Variants in RBFOX1 observed in about 807,000 individuals in gnomAD.
RBFOX1 encodes RNA binding protein fox-1 homolog 1.
In RBFOX1, 8 loss-of-function variants were observed where a neutral mutation model predicts 57.7. The observed-to-expected ratio is 0.14, with a 90% CI of 0.08 to 0.25. The LOEUF is 0.25. Ranked by LOEUF, RBFOX1 falls within the 10% of genes least tolerant of loss-of-function variation. RBFOX1 has a pLI of 1.00. For synonymous variants in RBFOX1, 326 were observed against 222.4 expected, an observed-to-expected ratio of 1.47 and a Z score of -4.15; for missense variants, 611 against 548.5, an observed-to-expected ratio of 1.11 and a Z score of -1.14.
At position 5,686,644 on chromosome 16, in the gene RBFOX1, C is replaced by A. The variant is rs528286298; in HGVS notation, c.318+87683C>A. 8.5e-5 allele frequency among the ~76,000 whole-genome samples: 13 copies of A among 152,134 alleles called. No homozygotes were observed. In the East Asian group the frequency reaches 2.1e-3, roughly 25 times the overall value. On this transcript the variant is annotated intron_variant, in intron 3 of 19. Transcript: ENST00000641259. ...AGAGGCCATATGAATTGATTTCTCT[C>A]TATATATTGATTTGACCCTCAGTAC...
rs193201594 is a variant in RBFOX1 at position 6,265,986 on chromosome 16, G to T, written c.-126-51009G>T. 1.5e-3 allele frequency among the ~76,000 whole-genome samples: 222 copies of T among 152,204 alleles called. 1 individual carries two copies. Among genetic ancestry groups the T allele is most frequent in the Non-Finnish European group, 2.6e-3 (178 of 68,010 alleles). ...TTTATTATTCCTTACTAAACATTCTGGCTTCTCTTTTTGTGGTATTTCTTA... is the reference window on the plus strand; with the variant it reads ...TTTATTATTCCTTACTAAACATTCTTGCTTCTCTTTTTGTGGTATTTCTTA... On this transcript the variant is annotated intron_variant, in intron 1 of 15. Transcript: ENST00000550418.
At chr16:5,825,549 A>AT in intron 3 of RBFOX1, among the ~76,000 whole-genome samples, 1 of 152,302 alleles carries the variant, frequency 6.6e-6, no homozygotes, top group East Asian at 1.9e-4. Context: ...TTCTCAGTGC[A>AT]TTTTTTATGG....
At position 6,549,525 on chromosome 16, in the gene RBFOX1, GGGA is replaced by G. The variant is rs1196682002; in HGVS notation, c.-63-105066_-63-105064del. ...GGAGGGGAAGAGGAGGAGGAGAGGA[GGGA>G]GGAGGAGGAGGGGAGGAGGAGGATG... is the stretch of plus-strand genomic sequence containing the variant. On this transcript the variant is annotated intron_variant, in intron 2 of 15. Coordinates refer to ENST00000550418, the MANE Select transcript of RBFOX1 (RefSeq NM_018723.4). Among the ~76,000 whole-genome samples, 655 of 112,916 alleles carry G rather than the reference GGGA, an allele frequency of 5.8e-3. 12 individuals carry two copies. Among genetic ancestry groups the G allele is most frequent in the African/African-American group, 0.021 (605 of 29,022 alleles). 74.1% of individuals were successfully genotyped at this position (112,916 alleles called of 152,430 possible). A position where few individuals can be genotyped will look rare whatever the true frequency, so the allele number is the denominator to read the frequency against.
At chr16:7,694,522 G>A (rs547751874) in intron 14 of RBFOX1, among the ~76,000 whole-genome samples, 35 of 152,318 alleles carry the variant, frequency 2.3e-4, no homozygotes, top group African/African-American at 7.5e-4. Flanking sequence ...AGTTCAAGAG[G>A]TATGCATGAT....
chr16:5,616,876 C>T (rs974301131), intron 3 of RBFOX1, among the ~76,000 whole-genome samples: 1 of 150,344 alleles, frequency 6.7e-6, no homozygotes, highest in African/African-American at 2.5e-5. Flanking sequence ...CCCACCCCTC[C>T]CCTTCCTCCT....
chr16:5,817,966 G>A (rs901147043), intron 3 of RBFOX1, among the ~76,000 whole-genome samples: 2 of 151,782 alleles, frequency 1.3e-5, no homozygotes, highest in South Asian at 2.1e-4. Flanking sequence ...CTGGGATTAC[G>A]GGCGTGAGCC....
chr16:5,776,971 T>A (rs1315921417), intron 3 of RBFOX1, among the ~76,000 whole-genome samples: 1 of 152,208 alleles, frequency 6.6e-6, no homozygotes, highest in Non-Finnish European at 1.5e-5. Flanking sequence ...TTTAAATTTA[T>A]CTTAATTTAA....
chr16:7,292,277 A>G lies in RBFOX1; in HGVS notation c.28-225870A>G, dbSNP rs1258483335. Among the ~76,000 whole-genome samples, 8 of 130,010 alleles carry G rather than the reference A, an allele frequency of 6.2e-5. No individual in the cohort carries two copies. In the South Asian group the frequency reaches 1.9e-3, roughly 30 times the overall value. 85.3% of individuals were successfully genotyped at this position (130,010 alleles called of 152,430 possible). On this transcript the variant is annotated intron_variant, in intron 4 of 15. Transcript: ENST00000550418. ...TGATATATGATATAGAACGTATTAT[A>G]TATCATATATCATATATGATATATG...
chr16:7,087,281 A>T (rs577476384), intron 4 of RBFOX1, among the ~76,000 whole-genome samples: 1 of 152,290 alleles, frequency 6.6e-6, no homozygotes, highest in South Asian at 2.1e-4. Context: ...GGCTTGCCTC[A>T]AGAGGATCGG....
At chr16:5,958,676 C>T (rs558153812) in intron 4 of RBFOX1, among the ~76,000 whole-genome samples, 18 of 152,244 alleles carry the variant, frequency 1.2e-4, no homozygotes, top group Non-Finnish European at 2.2e-4. Flanking sequence ...CAGATCTGGA[C>T]GTCAAAAGTC....
chr16:6,825,453 TAAC>T lies in RBFOX1; in HGVS notation c.-16+170804_-16+170806del, dbSNP rs565565621. Among the ~76,000 whole-genome samples, 4 of 152,082 alleles carry T rather than the reference TAAC, an allele frequency of 2.6e-5. 1 individual carries two copies. The South Asian group carries it at 8.3e-4, about 32-fold the overall frequency. On this transcript the variant is annotated intron_variant, in intron 3 of 15. Coordinates refer to ENST00000550418, the MANE Select transcript of RBFOX1 (RefSeq NM_018723.4). Reference sequence around the variant, plus strand: ...ATGATTTGAAAAGGGAAAGGAAAAATAACGACAGGAAAAGGGAGTTGTGTGTTT... The same window carrying T: ...ATGATTTGAAAAGGGAAAGGAAAAATGACAGGAAAAGGGAGTTGTGTGTTT...
chr16:7,094,248 A>G (rs2061330419), intron 4 of RBFOX1, among the ~76,000 whole-genome samples: 1 of 152,134 alleles, frequency 6.6e-6, no homozygotes, highest in South Asian at 2.1e-4. Flanking sequence ...AGAGAAGAAC[A>G]AATTGAAAAA....
intron 2 of RBFOX1, among the ~76,000 whole-genome samples, chr16:5,567,679 G>A (rs892564635): frequency 7.1e-6 from 1 of 141,824 alleles, no homozygotes; most frequent in Non-Finnish European, 1.5e-5. Flanking sequence ...TGGAAGGGCT[G>A]TGTCTATGTT....
intron 4 of RBFOX1, among the ~76,000 whole-genome samples, chr16:5,880,300 G>GT (rs2057730619): frequency 6.6e-6 from 1 of 152,144 alleles, no homozygotes; most frequent in African/African-American, 2.4e-5. Context: ...ACCTCCACTG[G>GT]TTTTTTGCCT....
In RBFOX1 at chr16:6,883,665, G is replaced by A. The variant is rs1461966351; in HGVS notation, c.-15-168392G>A. ...GATTTCTATCTTTGTAGTAAGTATT[G>A]AAACCTTGCCTCCCACATCCAGGCT... On this transcript the variant is annotated intron_variant, in intron 3 of 15. Transcript: ENST00000550418. 1.3e-5 allele frequency among the ~76,000 whole-genome samples: 2 copies of A among 152,140 alleles called. 1 individual carries two copies. Among genetic ancestry groups the A allele is most frequent in the Non-Finnish European group, 2.9e-5 (2 of 68,026 alleles).
rs1020787404 is a variant in RBFOX1, at chr16:7,131,146, A to G, written c.27+79048A>G. Reference sequence around the variant, plus strand: ...GATCACATGAGGCCAGGAGTTCGAAACAAGCCTGGTCAACATGGTGAAACC... The same window carrying G: ...GATCACATGAGGCCAGGAGTTCGAAGCAAGCCTGGTCAACATGGTGAAACC... On this transcript the variant is annotated intron_variant, in intron 4 of 15. Coordinates refer to ENST00000550418, the MANE Select transcript of RBFOX1 (RefSeq NM_018723.4). Among the ~76,000 whole-genome samples, 4 of 152,150 alleles carry G rather than the reference A, an allele frequency of 2.6e-5. No homozygotes were observed. In the South Asian group the frequency reaches 8.3e-4, roughly 32 times the overall value.
At chr16:5,550,998 T>C (rs2045440390) in intron 2 of RBFOX1, among the ~76,000 whole-genome samples, 1 of 152,150 alleles carries the variant, frequency 6.6e-6, no homozygotes, top group Non-Finnish European at 1.5e-5. Flanking sequence ...TTCTGGCCCA[T>C]AACTCTCTGT....
At chr16:7,091,506 T>G (rs1279904521) in intron 4 of RBFOX1, among the ~76,000 whole-genome samples, 1 of 151,846 alleles carries the variant, frequency 6.6e-6, no homozygotes, top group Non-Finnish European at 1.5e-5. Flanking sequence ...TCTCTCCTTT[T>G]ACCAATGTAG....
At chr16:7,246,798 T>C (rs953478547) in intron 4 of RBFOX1, among the ~76,000 whole-genome samples, 1 of 152,196 alleles carries the variant, frequency 6.6e-6, no homozygotes, top group East Asian at 1.9e-4. Context: ...AATATCAGGT[T>C]CAACGACTGG....
Sources: gnomAD v4.1 joint callset for allele counts (sites outside exome capture counted in the v4.1 genomes callset) on GRCh38, gnomAD v4.1.1 for gene constraint, MANE v1.5 for transcripts, NCBI Gene and HGNC (gene_info 2026-07-23, HGNC 2026-07-21) for gene names.